Variants in MYRIP observed in about 807,000 individuals in gnomAD.
MYRIP encodes rab effector MyRIP.
MYRIP carries 49 observed loss-of-function variants against 98.0 expected under a neutral mutation model. The observed-to-expected ratio is 0.50, with a 90% CI of 0.40 to 0.63. The LOEUF (loss-of-function observed/expected upper bound fraction) is 0.63, where lower values mean the gene tolerates loss of function less well. Among genes scored for constraint, MYRIP ranks in the 30% least tolerant of loss-of-function variants. The probability of loss-of-function intolerance (pLI) is 0.00; values close to 1 mark genes in which losing one functional copy is unlikely to be tolerated. For missense variants in MYRIP, 1,004 were observed against 1,058.2 expected (o/e 0.95, Z 0.71); for synonymous variants, 404 against 409.5 (o/e 0.99, Z 0.16).
At chr3:40,142,102 G>C (rs1322992647) in intron 3 of MYRIP, among the ~76,000 whole-genome samples, 1 of 120,360 alleles carries the variant, frequency 8.3e-6, no homozygotes, top group Non-Finnish European at 1.6e-5. Context: ...CCCCAGGCTT[G>C]AGTGCAATGG....
chr3:40,032,990 G>T (rs1437437726), intron 2 of MYRIP, among the ~76,000 whole-genome samples: 7 of 151,856 alleles, frequency 4.6e-5, no homozygotes, highest in Non-Finnish European at 1.0e-4. Context: ...CTCAATAGAT[G>T]CAGAAAAGGC....
chr3:40,169,827 G>A, intron 7 of MYRIP, 123 bp from the exon 8 acceptor site: 1 of 1,086,260 alleles, frequency 9.2e-7, no homozygotes. Context: ...AAACAGCCTG[G>A]TGTTCTGTTG....
At chr3:40,086,993 G>A (rs1348106467) in intron 3 of MYRIP, among the ~76,000 whole-genome samples, 1 of 152,032 alleles carries the variant, frequency 6.6e-6, no homozygotes, top group Non-Finnish European at 1.5e-5. Flanking sequence ...GGGGTGATTG[G>A]GGAATTCATA....
At chr3:40,249,942 G>A (rs1009677716) in intron 13 of MYRIP, among the ~76,000 whole-genome samples, 11 of 152,132 alleles carry the variant, frequency 7.2e-5, no homozygotes, top group Admixed American at 3.9e-4. Flanking sequence ...GGTCCCCATC[G>A]TGTCCCCAGG....
rs377679861 is a variant in MYRIP, at chr3:40,219,638, T to C, written c.1905+9545T>C. ...CTCAGAATGATGGTTTCCAGCTTCATCCATGTCCCTACAAAGGAAATGAAC... is the reference window on the plus strand; with the variant it reads ...CTCAGAATGATGGTTTCCAGCTTCACCCATGTCCCTACAAAGGAAATGAAC... On this transcript the variant is annotated intron_variant, in intron 11 of 16. Coordinates refer to ENST00000302541, the MANE Select transcript of MYRIP (RefSeq NM_015460.4). 7.2e-5 allele frequency among the ~76,000 whole-genome samples: 11 copies of C among 152,288 alleles called. No homozygotes were observed. The East Asian group carries it at 9.6e-4, about 13-fold the overall frequency.
At chr3:40,216,112 AG>A (rs556632408) in intron 11 of MYRIP, among the ~76,000 whole-genome samples, 18 of 152,372 alleles carry the variant, frequency 1.2e-4, no homozygotes, top group African/African-American at 4.3e-4. Context: ...GGACTGGGAA[AG>A]ATTGCCCAGA....
At chr3:40,128,233 C>T (rs1027257466) in intron 3 of MYRIP, among the ~76,000 whole-genome samples, 2 of 152,092 alleles carry the variant, frequency 1.3e-5, no homozygotes, top group Non-Finnish European at 2.9e-5. Flanking sequence ...TGGCAGCAAG[C>T]TGGATAGGAG....
At chr3:39,909,070 T>G (rs1943952974) in intron 2 of MYRIP, among the ~76,000 whole-genome samples, 1 of 152,142 alleles carries the variant, frequency 6.6e-6, no homozygotes, top group African/African-American at 2.4e-5. Context: ...AAATCAGAGT[T>G]GAGAGCAGGT....
chr3:39,941,499 G>GTC (rs1297135037), intron 2 of MYRIP, among the ~76,000 whole-genome samples: 1 of 146,364 alleles, frequency 6.8e-6, no homozygotes, highest in South Asian at 2.1e-4. Context: ...ATGTGTGTGT[G>GTC]TGTGTGTGTG....
chr3:39,904,592 C>T (rs1014510865), intron 2 of MYRIP, among the ~76,000 whole-genome samples: 2 of 152,012 alleles, frequency 1.3e-5, no homozygotes, highest in African/African-American at 4.8e-5. Context: ...TATTGTTACC[C>T]ATATGGAAGG....
At chr3:40,187,694 G>C (rs1375342191) in intron 9 of MYRIP, among the ~76,000 whole-genome samples, 7 of 152,196 alleles carry the variant, frequency 4.6e-5, no homozygotes, top group Admixed American at 4.6e-4. Flanking sequence ...TAAGGATAAA[G>C]AGATGCCTGA....
intron 3 of MYRIP, among the ~76,000 whole-genome samples, chr3:40,131,588 A>G (rs1949642697): frequency 6.6e-6 from 1 of 152,158 alleles, no homozygotes; most frequent in African/African-American, 2.4e-5. Context: ...CCTTCCTCTT[A>G]CTTGGAAAAT....
intron 5 of MYRIP, among the ~76,000 whole-genome samples, chr3:40,165,268 A>G (rs1349873265): frequency 6.6e-6 from 1 of 152,178 alleles, no homozygotes; most frequent in Non-Finnish European, 1.5e-5. Context: ...CTTGTGACAT[A>G]CTCATCAGCT....
rs987195148 is a variant in MYRIP, at chr3:40,044,145, C to T, written c.206C>T (p.Ser69Leu). ...FVEHCCMRCC[S>L]PFTFLVNTKR... is the part of the protein sequence containing the mutation. ...GAGCACTGCTGCATGCGCTGCTGCT[C>T]GCCCTTCACCTTCCTCGTCAACACC... Residue 69 changes from serine (S) to leucine (L), a missense_variant, in exon 3 of 17, where the codon TCG becomes TTG. Ser to Leu is a moderately radical substitution (Grantham distance 145, BLOSUM62 -2). Transcript: ENST00000302541. The T allele has an allele frequency of 1.9e-6, 3 of 1,614,036 alleles. No homozygotes were observed. Among genetic ancestry groups the T allele is most frequent in the Non-Finnish European group, 2.5e-6 (3 of 1,180,030 alleles).
chr3:40,168,498 G>A (rs540232739), intron 7 of MYRIP, among the ~76,000 whole-genome samples: 59 of 152,162 alleles, frequency 3.9e-4, no homozygotes, highest in Non-Finnish European at 4.7e-4. Context: ...AACACACACC[G>A]CTTTCCCACC....
intron 10 of MYRIP, among the ~76,000 whole-genome samples, chr3:40,199,221 A>G (rs2125643503): frequency 6.6e-6 from 1 of 152,328 alleles, no homozygotes; most frequent in South Asian, 2.1e-4. Context: ...TGGAGACCAC[A>G]GCAGCCCCTG....
intron 2 of MYRIP, among the ~76,000 whole-genome samples, chr3:40,003,018 A>G (rs933918626): frequency 7.6e-6 from 1 of 131,668 alleles, no homozygotes; most frequent in East Asian, 2.2e-4. Flanking sequence ...ATAAATACAT[A>G]TGTAGATATC....
intron 1 of MYRIP, among the ~76,000 whole-genome samples, chr3:39,849,480 G>A (rs1942062798): frequency 6.6e-6 from 1 of 152,208 alleles, no homozygotes; most frequent in South Asian, 2.1e-4. Flanking sequence ...GGGATGTGAT[G>A]GATGACCTGG....
chr3:40,141,715 T>C (rs753380717), intron 3 of MYRIP, among the ~76,000 whole-genome samples: 22 of 152,192 alleles, frequency 1.4e-4, no homozygotes, highest in Non-Finnish European at 2.5e-4. Context: ...CTTTCTCCAG[T>C]GAGTGTTCTT....
Sources: allele counts gnomAD v4.1 joint callset (sites outside exome capture counted in the v4.1 genomes callset), GRCh38; gene constraint gnomAD v4.1.1; transcripts MANE v1.5; gene names NCBI Gene and HGNC (gene_info 2026-07-23, HGNC 2026-07-21).